AKR1C1: variants seen among roughly 807,000 people sequenced by gnomAD.
The protein encoded by AKR1C1 is 20 alpha-hydroxysteroid dehydrogenase.
Under a neutral mutation model 40.6 loss-of-function variants are expected in AKR1C1, and 32 were observed. The ratio of observed to expected loss-of-function variants is 0.79; its 90% CI spans 0.60 to 1.06. The LOEUF (loss-of-function observed/expected upper bound fraction) is 1.06. Ranked by LOEUF, AKR1C1 falls within the 50% of genes least tolerant of loss-of-function variation. AKR1C1 has a pLI of 0.00. For synonymous variants in AKR1C1, 105 were observed against 134.2 expected, an observed-to-expected ratio of 0.78 and a Z score of 1.50; for missense variants, 320 against 363.5, an observed-to-expected ratio of 0.88 and a Z score of 0.97.
At chr10:4,975,586 G>C (rs1836514513) in intron 7 of AKR1C1, among the ~76,000 whole-genome samples, 1 of 151,772 alleles carries the variant, frequency 6.6e-6, no homozygotes, top group African/African-American at 2.4e-5. Context: ...AGTAAGCTCT[G>C]TTTCTTCTTC....
At position 4,982,648 on chromosome 10, in the gene AKR1C1, A is replaced by T. The variant is rs748601230; in HGVS notation, c.*4906A>T. On this transcript the variant is annotated 3_prime_UTR_variant, in exon 9 of 9. Transcript: ENST00000380872. ...CTTAACACAAAGATACACTTTTAGG[A>T]GCTTCATAGCCCCTCTTCCCCCATT... 20 of 268,098 alleles carry T rather than the reference A, an allele frequency of 7.5e-5. No individual in the cohort carries two copies. Among genetic ancestry groups the T allele is most frequent in the Non-Finnish European group, 1.3e-4 (18 of 137,288 alleles). The allele number at this position is 268,098 out of a possible 1,614,324, so 16.6% of individuals were successfully genotyped here.
intron 5 of AKR1C1, among the ~76,000 whole-genome samples, chr10:4,969,502 C>A (rs1284779692): frequency 1.5e-5 from 2 of 132,354 alleles, no homozygotes; most frequent in African/African-American, 6.4e-5. Flanking sequence ...GAGAAAATAA[C>A]CTGTTTATGG....
intron 5 of AKR1C1, chr10:4,969,873 T>G (rs1397826666): frequency 1.3e-6 from 1 of 740,876 alleles, no homozygotes; most frequent in Non-Finnish European, 2.1e-6. Context: ...GAAATACATA[T>G]GTATAAAATT....
At position 4,968,345 on chromosome 10, in the gene AKR1C1, A is replaced by C; in HGVS notation, c.406A>C (p.Lys136Gln). The C allele has an allele frequency of 6.3e-7, 1 of 1,575,232 alleles. No individual in the cohort carries two copies. Among genetic ancestry groups the C allele is most frequent in the Non-Finnish European group, 8.7e-7 (1 of 1,156,068 alleles). Residue 136 changes from lysine to glutamine, a missense_variant, in exon 4 of 9, where the codon AAA (lysine) becomes CAA (glutamine). Physicochemically the swap from Lys to Gln is moderately conservative, Grantham distance 53. This residue lies in a region of AKR1C1 where 214 missense variants were observed against 214.8 expected (regional missense o/e 1.00). Transcript: ENST00000380872. ...EEVIPKDENG[K>Q]ILFDTVDLCA... ...AGTGATCCCAAAAGATGAAAATGGA[A>C]AAATACTATTTGACACAGTGGATCT... is the stretch of plus-strand genomic sequence containing the variant.
chr10:4,965,659 C>A, intron 1 of AKR1C1: 1 of 380,652 alleles, frequency 2.6e-6, no homozygotes, highest in Non-Finnish European at 4.7e-6. Context: ...ATGACTGAAC[C>A]TGAAATTGTT....
At position 4,968,364 on chromosome 10, in the gene AKR1C1, T is replaced by C. The variant is rs1455937093; in HGVS notation, c.425T>C (p.Val142Ala). 5 of 1,573,274 alleles carry C rather than the reference T, an allele frequency of 3.2e-6. No homozygotes were observed. Among genetic ancestry groups the C allele is most frequent in the Non-Finnish European group, 3.5e-6 (4 of 1,151,844 alleles). The change falls in exon 4 of 9, where the codon GTG becomes GCG. Residue 142 changes from valine (V) to alanine (A), a missense_variant. Around this residue, in one of 3 missense-constraint regions of AKR1C1, gnomAD observed 214 missense variants for 214.8 expected, o/e 1.00. Transcript: ENST00000380872. ...AATGGAAAAATACTATTTGACACAG[T>C]GGATCTCTGTGCCACATGGGAGGTG... ...DENGKILFDTVDLCATWEAVE... is the reference protein window; with the variant it reads ...DENGKILFDTADLCATWEAVE...
chr10:4,972,015 T>G (rs1375332796), intron 5 of AKR1C1, among the ~76,000 whole-genome samples, 186 bp from the exon 6 acceptor site: 29 of 150,940 alleles, frequency 1.9e-4, no homozygotes, highest in African/African-American at 6.9e-4. Context: ...TGCTCAGAAA[T>G]AGCATTTCTA....
At chr10:4,976,752 G>A (rs1156861056) in intron 8 of AKR1C1, among the ~76,000 whole-genome samples, 1 of 151,994 alleles carries the variant, frequency 6.6e-6, no homozygotes, top group Non-Finnish European at 1.5e-5. Flanking sequence ...CTGGCAGTAG[G>A]GATTTCAACA....
In AKR1C1 at chr10:4,972,584, G is replaced by A. The variant is rs782615031; in HGVS notation, c.681G>A (p.Trp227Ter). ...SALGSHREEP[W>*]VDPNSPVLLE... The stretch of plus-strand genomic sequence containing the variant: ...TCAGCCTTTCTGCCTTTCCTTCCAG[G>A]GTGGACCCGAACTCCCCGGTGCTCT... Residue 227 changes from tryptophan (W) to a stop codon, truncating the protein, a stop_gained and splice_region_variant, in exon 7 of 9, where the codon TGG (tryptophan) becomes TGA (stop). Coordinates refer to ENST00000380872, the MANE Select transcript of AKR1C1 (RefSeq NM_001353.6). LOFTEE classifies it high-confidence loss of function. The A allele has an allele frequency of 2.5e-5, 41 of 1,613,612 alleles. No individual in the cohort carries two copies. The highest frequency in any genetic ancestry group is 3.4e-5 in the Non-Finnish European group (40 of 1,179,892).
chr10:4,979,194 A>G lies in AKR1C1; in HGVS notation c.*1452A>G, dbSNP rs1415125178. ...TCTATAAAATTGGAGTAGGCCATAA[A>G]CTTTGGAGGGCCCTAGACCAATTTT... On this transcript the variant is annotated 3_prime_UTR_variant, in exon 9 of 9. Transcript: ENST00000380872. 6.6e-6 allele frequency: 1 copy of G among 152,142 alleles called. No homozygotes were observed. Among genetic ancestry groups the G allele is most frequent in the Non-Finnish European group, 1.5e-5 (1 of 68,012 alleles). 9.4% of individuals were successfully genotyped at this position (152,142 alleles called of 1,614,324 possible).
chr10:4,974,120 T>A (rs1290070005), intron 7 of AKR1C1, among the ~76,000 whole-genome samples: 1 of 151,652 alleles, frequency 6.6e-6, no homozygotes, highest in African/African-American at 2.4e-5. Context: ...GCATTTACTA[T>A]ATTATTTTAA....
At position 4,968,941 on chromosome 10, in the gene AKR1C1, C is replaced by G. The variant is rs773025008; in HGVS notation, c.567C>G (p.Asn189Lys). The change falls in exon 5 of 9, where the codon AAC (asparagine) becomes AAG (lysine). Residue 189 changes from asparagine to lysine, a missense_variant. Asn to Lys is a moderately conservative substitution (Grantham distance 94). This residue lies in a region of AKR1C1 where 77 missense variants were observed against 125.3 expected (regional missense o/e 0.61). Transcript: ENST00000380872. ...KPGLKYKPVC[N>K]QVECHPYFNQ... ...GGCTCAAGTACAAGCCTGTCTGCAACCAGGTGAGCACCCTCAGCCTCCTCT... is the reference window on the plus strand; with the variant it reads ...GGCTCAAGTACAAGCCTGTCTGCAAGCAGGTGAGCACCCTCAGCCTCCTCT... 2.5e-6 allele frequency: 4 copies of G among 1,614,064 alleles called. No homozygotes were observed. The South Asian group carries it at 3.3e-5, about 13-fold the overall frequency.
chr10:4,964,982 G>A lies in AKR1C1; in HGVS notation c.85-932G>A, dbSNP rs563282363. On this transcript the variant is annotated intron_variant, in intron 1 of 8. Transcript: ENST00000380872. ...GTAAGTAACTGCTTGTGCAAACTGCGGAGTTTCTGTGCACCTGCTTTCCTT... is the reference window on the plus strand; with the variant it reads ...GTAAGTAACTGCTTGTGCAAACTGCAGAGTTTCTGTGCACCTGCTTTCCTT... Among the ~76,000 whole-genome samples, 10 of 152,294 alleles carry A rather than the reference G, an allele frequency of 6.6e-5. No individual in the cohort carries two copies. The South Asian group carries it at 1.5e-3, about 22-fold the overall frequency.
chr10:4,981,902 C>G lies in AKR1C1; in HGVS notation c.*4160C>G, dbSNP rs1218121732. The G allele has an allele frequency of 5.9e-5, 9 of 152,258 alleles. No individual in the cohort carries two copies. Among genetic ancestry groups the G allele is most frequent in the Non-Finnish European group, 1.0e-4 (7 of 68,060 alleles). The allele number at this position is 152,258 out of a possible 1,614,324, so 9.4% of individuals were successfully genotyped here. On this transcript the variant is annotated 3_prime_UTR_variant, in exon 9 of 9. Transcript: ENST00000380872. The stretch of plus-strand genomic sequence containing the variant: ...TTATCTCAGCGTGTAAGCTGATGAT[C>G]TGAGGCTGGTCAGAGTTCTGTGCGC...
At chr10:4,973,805 G>C (rs1382659576) in intron 7 of AKR1C1, among the ~76,000 whole-genome samples, 2 of 151,812 alleles carry the variant, frequency 1.3e-5, no homozygotes, top group African/African-American at 4.8e-5. Context: ...TATATAAATT[G>C]ATATACTATT....
In AKR1C1 at chr10:4,963,533, C is replaced by G. The variant is rs1463036127; in HGVS notation, c.84+5C>G. 6.2e-7 allele frequency: 1 copy of G among 1,609,388 alleles called. No individual in the cohort carries two copies. The highest frequency in any genetic ancestry group is 8.5e-7 in the Non-Finnish European group (1 of 1,176,968). On this transcript the variant is annotated splice_donor_5th_base_variant and intron_variant, in intron 1 of 8. Coordinates refer to ENST00000380872, the MANE Select transcript of AKR1C1 (RefSeq NM_001353.6). ...GGCACCTATGCGCCTGCAGAGGTAA[C>G]AATAATATTTTTAGTGTTGAGAGTT...
At chr10:4,964,039 G>T (rs1034075876) in intron 1 of AKR1C1, 4 of 554,836 alleles carry the variant, frequency 7.2e-6, no homozygotes, top group East Asian at 6.0e-5. Flanking sequence ...TACCTGAAAC[G>T]ATAAAATATC....
At chr10:4,976,506 A>G (rs1836528122) in intron 8 of AKR1C1, among the ~76,000 whole-genome samples, 1 of 152,184 alleles carries the variant, frequency 6.6e-6, no homozygotes, top group Non-Finnish European at 1.5e-5. Context: ...GCCTCCAGAA[A>G]GTCTGTCTTA....
In AKR1C1 at chr10:4,977,776, C is replaced by G. The variant is rs1554770654; in HGVS notation, c.*34C>G. 1 of 1,556,714 alleles carries G rather than the reference C, an allele frequency of 6.4e-7. No individual in the cohort carries two copies. Among genetic ancestry groups the G allele is most frequent in the African/African-American group, 1.4e-5 (1 of 73,164 alleles). ...GCATTGCATGAGGTCTGCCAGAAGGCCCTGCGTGTGGATGGTGACACAGAG... is the reference window on the plus strand; with the variant it reads ...GCATTGCATGAGGTCTGCCAGAAGGGCCTGCGTGTGGATGGTGACACAGAG... On this transcript the variant is annotated 3_prime_UTR_variant, in exon 9 of 9. Coordinates refer to ENST00000380872, the MANE Select transcript of AKR1C1 (RefSeq NM_001353.6).
Sources: gnomAD v4.1 joint callset for allele counts (sites outside exome capture counted in the v4.1 genomes callset) on GRCh38, gnomAD v4.1.1 for gene constraint, gnomAD v4.1.1 regional missense constraint, MANE v1.5 for transcripts, NCBI Gene and HGNC (gene_info 2026-07-23, HGNC 2026-07-21) for gene names.